OMA1: variants seen among roughly 807,000 people sequenced by gnomAD.
The protein encoded by OMA1 is OMA1 zinc metallopeptidase.
In OMA1, 38 loss-of-function variants were observed where a neutral mutation model predicts 30.9. The ratio of observed to expected loss-of-function variants is 1.23; its 90% confidence interval spans 0.95 to 1.61. The LOEUF is 1.61. Among genes scored for constraint, OMA1 ranks in the 40% most tolerant of loss-of-function variants. OMA1 has a pLI of 0.00. For missense variants in OMA1, 461 were observed against 349.2 expected, an observed-to-expected ratio of 1.32 and a Z score of -2.55; for synonymous variants, 173 against 121.9, an observed-to-expected ratio of 1.42 and a Z score of -2.76.
At chr1:58,495,992 T>C (rs564155671) in intron 8 of OMA1, among the ~76,000 whole-genome samples, 4 of 152,270 alleles carry the variant, frequency 2.6e-5, no homozygotes, top group South Asian at 2.1e-4. Flanking sequence ...GGGCTTCCCA[T>C]GGATGATACT....
At chr1:58,534,458 T>C (rs925335858) in intron 3 of OMA1, 127 bp from the exon 4 acceptor site, 5 of 537,860 alleles carry the variant, frequency 9.3e-6, no homozygotes, top group African/African-American at 7.9e-5. Flanking sequence ...AATCTGCATA[T>C]ATTAAGCACT....
chr1:58,493,806 T>A (rs1645744070), intron 8 of OMA1, among the ~76,000 whole-genome samples: 1 of 151,948 alleles, frequency 6.6e-6, no homozygotes, highest in Non-Finnish European at 1.5e-5. Flanking sequence ...TGCTCATGGG[T>A]AGGAAGAATC....
At chr1:58,504,038 G>A (rs1056712924) in intron 8 of OMA1, among the ~76,000 whole-genome samples, 5 of 152,260 alleles carry the variant, frequency 3.3e-5, no homozygotes, top group African/African-American at 9.6e-5. Context: ...CCAGGATTAT[G>A]AGAGTCTCCT....
At chr1:58,532,914 T>C (rs1248383692) in intron 5 of OMA1, among the ~76,000 whole-genome samples, 3 of 152,182 alleles carry the variant, frequency 2.0e-5, no homozygotes, top group African/African-American at 7.2e-5. Flanking sequence ...ATTTAGCCCA[T>C]CTCATCTTAT....
intron 1 of OMA1, chr1:58,541,614 C>CAAAAAAAAAAAAAAAA (rs60360589): frequency 6.1e-5 from 4 of 65,632 alleles, no homozygotes; most frequent in African/African-American, 5.9e-5. Context: ...GAGAACCTGT[C>CAAAAAAAAAAAAAAAA]AAAAAAAAAA....
chr1:58,488,868 A>T (rs1287407855), intron 8 of OMA1, among the ~76,000 whole-genome samples: 1 of 152,220 alleles, frequency 6.6e-6, no homozygotes, highest in East Asian at 1.9e-4. Flanking sequence ...TATCAGTGAG[A>T]ACATAACATT....
chr1:58,491,046 A>G (rs1361484034), intron 8 of OMA1, among the ~76,000 whole-genome samples: 1 of 151,822 alleles, frequency 6.6e-6, no homozygotes, highest in Non-Finnish European at 1.5e-5. Flanking sequence ...TGACCTCGTG[A>G]TCCACCCACC....
chr1:58,542,923 G>T (rs1047863306), intron 1 of OMA1, among the ~76,000 whole-genome samples: 1 of 152,086 alleles, frequency 6.6e-6, no homozygotes, highest in Non-Finnish European at 1.5e-5. Context: ...TGTAAGTTGG[G>T]TCTACAGCGG....
In OMA1 at chr1:58,480,914, T is replaced by C. The variant is rs772275365; in HGVS notation, c.*51A>G. 2 of 765,814 alleles carry C rather than the reference T, an allele frequency of 2.6e-6. No individual in the cohort carries two copies. Among genetic ancestry groups the C allele is most frequent in the South Asian group, 3.4e-5 (2 of 58,130 alleles). The allele number at this position is 765,814 out of a possible 1,614,324, so 47.4% of individuals were successfully genotyped here. ...TCATTTTTTAAAAAGTAACATAAAA[T>C]GATAAGGACTGCAACATTCTTCATA... On this transcript the variant is annotated 3_prime_UTR_variant, in exon 9 of 9. Coordinates refer to ENST00000371226, the MANE Select transcript of OMA1 (RefSeq NM_145243.5).
rs150905541 is a variant in OMA1 at position 58,543,023 on chromosome 1, A to G, written c.-17+3680T>C. Among the ~76,000 whole-genome samples, 546 of 152,292 alleles carry G rather than the reference A, an allele frequency of 3.6e-3. 4 individuals are homozygous for G. Among genetic ancestry groups the G allele is most frequent in the African/African-American group, 0.012 (482 of 41,568 alleles). On this transcript the variant is annotated intron_variant, in intron 1 of 8. Transcript: ENST00000371226. ...AAAAAGTGGATCCACAGAAAAGACAATGGACTATTAAGTGTAGACAGAAGA... is the reference window on the plus strand; with the variant it reads ...AAAAAGTGGATCCACAGAAAAGACAGTGGACTATTAAGTGTAGACAGAAGA...
intron 7 of OMA1, among the ~76,000 whole-genome samples, chr1:58,513,721 T>C (rs1216386624): frequency 6.6e-6 from 1 of 152,216 alleles, no homozygotes; most frequent in Non-Finnish European, 1.5e-5. Flanking sequence ...TGACACCACA[T>C]GCCAGGCATT....
intron 7 of OMA1, among the ~76,000 whole-genome samples, chr1:58,526,039 T>C (rs1438496958): frequency 2.0e-5 from 3 of 152,080 alleles, no homozygotes; most frequent in African/African-American, 7.2e-5. Flanking sequence ...ATATTATATA[T>C]TTTAAAAATA....
Position 58,534,142 on chromosome 1 carries a change from G to T in OMA1, c.903+16C>A. 1 of 869,122 alleles carries T rather than the reference G, an allele frequency of 1.2e-6. No individual in the cohort carries two copies. The highest frequency in any genetic ancestry group is 2.0e-6 in the Non-Finnish European group (1 of 500,908). The allele number at this position is 869,122 out of a possible 1,614,324, so 53.8% of individuals were successfully genotyped here. A position where few individuals can be genotyped will look rare whatever the true frequency, so the allele number is the denominator to read the frequency against. On this transcript the variant is annotated intron_variant, in intron 4 of 8. Transcript: ENST00000371226. Reference sequence around the variant, plus strand: ...TAAATTTAACAATTACAATGCGTTTGAGAACATTTACTTACTGGAAGCACG... The same window carrying T: ...TAAATTTAACAATTACAATGCGTTTTAGAACATTTACTTACTGGAAGCACG...
At chr1:58,489,718 G>C (rs1379740761) in intron 8 of OMA1, among the ~76,000 whole-genome samples, 1 of 152,142 alleles carries the variant, frequency 6.6e-6, no homozygotes, top group Non-Finnish European at 1.5e-5. Context: ...ACACCTCACA[G>C]GGCCGGGTAC....
intron 8 of OMA1, among the ~76,000 whole-genome samples, chr1:58,503,964 C>T (rs556731753): frequency 2.8e-4 from 42 of 152,306 alleles, no homozygotes; most frequent in African/African-American, 9.4e-4. Context: ...TATCCAGAAT[C>T]TGACTGATTC....
intron 7 of OMA1, among the ~76,000 whole-genome samples, chr1:58,509,220 T>C (rs1303710668): frequency 1.3e-5 from 2 of 152,092 alleles, no homozygotes; most frequent in East Asian, 3.9e-4. Flanking sequence ...CTGACCCTAA[T>C]GAAAGAGAAA....
chr1:58,497,670 A>G (rs1645826281), intron 8 of OMA1, among the ~76,000 whole-genome samples: 1 of 152,166 alleles, frequency 6.6e-6, no homozygotes, highest in Admixed American at 6.6e-5. Flanking sequence ...GAAATCTCTA[A>G]TTTGCAAGTA....
intron 7 of OMA1, among the ~76,000 whole-genome samples, chr1:58,524,421 CCTTTT>C (rs1404424310): frequency 6.6e-6 from 1 of 152,134 alleles, no homozygotes; most frequent in African/African-American, 2.4e-5. Flanking sequence ...CTTTCATCTT[CCTTTT>C]AAGTTGTAAT....
At chr1:58,489,323 G>A (rs959987429) in intron 8 of OMA1, among the ~76,000 whole-genome samples, 8 of 152,216 alleles carry the variant, frequency 5.3e-5, no homozygotes, top group South Asian at 4.1e-4. Flanking sequence ...AGGGTCCTAC[G>A]CCCACAGAGC....
Sources: allele counts gnomAD v4.1 joint callset (sites outside exome capture counted in the v4.1 genomes callset), GRCh38; gene constraint gnomAD v4.1.1; transcripts MANE v1.5; gene names NCBI Gene and HGNC (gene_info 2026-07-23, HGNC 2026-07-21).